KIRREL3: variants seen among roughly 807,000 people sequenced by gnomAD.
The protein encoded by KIRREL3 is kirre like nephrin family adhesion molecule 3.
KIRREL3 carries 36 observed loss-of-function variants against 89.7 expected under a neutral mutation model. The ratio of observed to expected loss-of-function variants is 0.40; its 90% CI spans 0.31 to 0.53. KIRREL3 has a LOEUF of 0.53. Ranked by LOEUF, KIRREL3 falls within the 20% of genes least tolerant of loss-of-function variation. The pLI is 0.49. For synonymous variants in KIRREL3, 445 were observed against 441.4 expected (o/e 1.01, Z -0.10); for missense variants, 864 against 1,056.6 (o/e 0.82, Z 2.53).
Position 126,744,708 on chromosome 11 carries a change from G to T in KIRREL3, c.56-181796C>A, listed in dbSNP as rs1431843933. 6.6e-6 allele frequency among the ~76,000 whole-genome samples: 1 copy of T among 152,158 alleles called. No homozygotes were observed. Reference sequence around the variant, plus strand: ...AGTGTCTCGTGGAAACTAAGGACCCGATGAACAGTACTCGTATTACTATTC... The same window carrying T: ...AGTGTCTCGTGGAAACTAAGGACCCTATGAACAGTACTCGTATTACTATTC... On this transcript the variant is annotated intron_variant, in intron 1 of 16. Transcript: ENST00000525144. The surrounding 1 kb of genome is among the most constrained non-coding windows in gnomAD (Gnocchi z 4.7).
intron 10 of KIRREL3, among the ~76,000 whole-genome samples, chr11:126,442,268 A>AAC (rs1343644817): frequency 9.9e-6 from 1 of 100,806 alleles, no homozygotes; most frequent in Non-Finnish European, 2.4e-5. Flanking sequence ...CTCAAAAAAA[A>AAC]AAAACAAAAA....
At chr11:126,936,985 C>A (rs1374955658) in intron 1 of KIRREL3, 2 of 152,170 alleles carry the variant, frequency 1.3e-5, no homozygotes, top group Non-Finnish European at 2.9e-5. Context: ...ATGCAGAGGG[C>A]ACACACTAAG....
chr11:126,845,671 G>A (rs970805124), intron 1 of KIRREL3, among the ~76,000 whole-genome samples: 2 of 152,158 alleles, frequency 1.3e-5, no homozygotes, highest in Non-Finnish European at 2.9e-5. Flanking sequence ...TCCCAGCTTA[G>A]AGAATGGGTT....
In KIRREL3 at chr11:126,668,415, GA is replaced by G. The variant is rs1165742267; in HGVS notation, c.56-105504del. On this transcript the variant is annotated intron_variant, in intron 1 of 16. Coordinates refer to ENST00000525144, the MANE Select transcript of KIRREL3 (RefSeq NM_032531.4). The surrounding 1 kb of genome is among the most constrained non-coding windows in gnomAD (Gnocchi z 4.4). ...GAATTTGGGGGAATATAACCATTCAGAATAAAACACCCTGGCTATAGAAGAG... is the reference window on the plus strand; with the variant it reads ...GAATTTGGGGGAATATAACCATTCAGATAAAACACCCTGGCTATAGAAGAG... 2.0e-5 allele frequency among the ~76,000 whole-genome samples: 3 copies of G among 152,158 alleles called. No individual in the cohort carries two copies. The highest frequency in any genetic ancestry group is 2.9e-5 in the Non-Finnish European group (2 of 68,034).
chr11:126,941,963 T>C (rs1565444457), intron 1 of KIRREL3, among the ~76,000 whole-genome samples: 1 of 152,190 alleles, frequency 6.6e-6, no homozygotes, highest in Non-Finnish European at 1.5e-5. Context: ...TGACAATGAG[T>C]ATGCCAGTCT....
Position 126,550,933 on chromosome 11 carries a change from C to T in KIRREL3, c.133+11902G>A, listed in dbSNP as rs1359031111. Among the ~76,000 whole-genome samples the T allele has an allele frequency of 3.3e-5, 5 of 152,300 alleles. 1 individual carries two copies. In the East Asian group the frequency reaches 9.7e-4, roughly 29 times the overall value. On this transcript the variant is annotated intron_variant, in intron 2 of 16. Transcript: ENST00000525144. The surrounding 1 kb of genome is among the most constrained non-coding windows in gnomAD (Gnocchi z 4.9). ...GGGGGCTCAGTCCCCAAGACTTCCC[C>T]CACACCCTGGCACCTGTCACAAGTT...
chr11:126,795,739 A>G lies in KIRREL3; in HGVS notation c.55+204716T>C, dbSNP rs1323483768. 6.6e-6 allele frequency among the ~76,000 whole-genome samples: 1 copy of G among 152,066 alleles called. No homozygotes were observed. The highest frequency in any genetic ancestry group is 6.6e-5 in the Admixed American group (1 of 15,250). ...GTTCAATATTTCTGTAAACCTAAAA[A>G]TCCTCAAAAAAATGAAGTTTTTTAA... On this transcript the variant is annotated intron_variant, in intron 1 of 16. Coordinates refer to ENST00000525144, the MANE Select transcript of KIRREL3 (RefSeq NM_032531.4). The surrounding 1 kb of genome is among the most constrained non-coding windows in gnomAD (Gnocchi z 4.1).
In KIRREL3 at chr11:126,666,877, T is replaced by C. The variant is rs1161857943; in HGVS notation, c.56-103965A>G. On this transcript the variant is annotated intron_variant, in intron 1 of 16. Coordinates refer to ENST00000525144, the MANE Select transcript of KIRREL3 (RefSeq NM_032531.4). The surrounding 1 kb of genome is among the most constrained non-coding windows in gnomAD (Gnocchi z 4.2). ...GGGTCTGGGATGGATACAGGTTTGA[T>C]GAAAGGTCCCTGGGGAATGAGAGGG... is the stretch of plus-strand genomic sequence containing the variant. Among the ~76,000 whole-genome samples, 1 of 152,142 alleles carries C rather than the reference T, an allele frequency of 6.6e-6. No individual in the cohort carries two copies. The highest frequency in any genetic ancestry group is 1.5e-5 in the Non-Finnish European group (1 of 68,026).
chr11:126,458,553 C>G (rs1003392806), intron 6 of KIRREL3, among the ~76,000 whole-genome samples: 1 of 152,348 alleles, frequency 6.6e-6, no homozygotes, highest in East Asian at 1.9e-4. Flanking sequence ...GGCACGGGAG[C>G]TGGCCTGAGA....
chr11:126,426,309 A>C (rs376746912), intron 15 of KIRREL3, among the ~76,000 whole-genome samples: 3 of 152,320 alleles, frequency 2.0e-5, no homozygotes, highest in East Asian at 3.9e-4. Context: ...TCTCATGAAA[A>C]GTTAACTTCC....
intron 2 of KIRREL3, among the ~76,000 whole-genome samples, chr11:126,547,684 C>T (rs576076428): frequency 3.9e-5 from 6 of 152,222 alleles, no homozygotes; most frequent in East Asian, 1.9e-4. Flanking sequence ...TCAGAGGGGC[C>T]GCCTGAGTGG....
At position 126,655,898 on chromosome 11, in the gene KIRREL3, T is replaced by G. The variant is rs1310026384; in HGVS notation, c.56-92986A>C. 1.3e-5 allele frequency among the ~76,000 whole-genome samples: 2 copies of G among 152,084 alleles called. No homozygotes were observed. Among genetic ancestry groups the G allele is most frequent in the East Asian group, 1.9e-4 (1 of 5,200 alleles). Reference sequence around the variant, plus strand: ...GACAACGTGACTTTCTCTTATTTTTTGTTCCTGACACTGTTTGCACTGACT... The same window carrying G: ...GACAACGTGACTTTCTCTTATTTTTGGTTCCTGACACTGTTTGCACTGACT... On this transcript the variant is annotated intron_variant, in intron 1 of 16. Transcript: ENST00000525144. The surrounding 1 kb of genome is among the most constrained non-coding windows in gnomAD (Gnocchi z 5.0).
chr11:126,646,122 C>T (rs556263064), intron 1 of KIRREL3, among the ~76,000 whole-genome samples: 1 of 152,238 alleles, frequency 6.6e-6, no homozygotes, highest in Non-Finnish European at 1.5e-5. Context: ...ACCCCACCCC[C>T]CAAACAGGTC....
Position 126,981,647 on chromosome 11 carries a change from G to T in KIRREL3, c.55+18808C>A, listed in dbSNP as rs750729352. Among the ~76,000 whole-genome samples the T allele has an allele frequency of 6.6e-6, 1 of 152,142 alleles. No individual in the cohort carries two copies. The highest frequency in any genetic ancestry group is 1.5e-5 in the Non-Finnish European group (1 of 68,026). ...TGTTAAAACCACACATTTGGGTGTCGGAGGAGGTCTCAGCCACACATGCTC... is the reference window on the plus strand; with the variant it reads ...TGTTAAAACCACACATTTGGGTGTCTGAGGAGGTCTCAGCCACACATGCTC... On this transcript the variant is annotated intron_variant, in intron 1 of 16. Coordinates refer to ENST00000525144, the MANE Select transcript of KIRREL3 (RefSeq NM_032531.4). The surrounding 1 kb of genome is among the most constrained non-coding windows in gnomAD (Gnocchi z 4.2).
chr11:126,569,823 GT>G lies in KIRREL3; in HGVS notation c.56-6912del, dbSNP rs1940790229. 6.6e-6 allele frequency among the ~76,000 whole-genome samples: 1 copy of G among 152,118 alleles called. No homozygotes were observed. The highest frequency in any genetic ancestry group is 1.5e-5 in the Non-Finnish European group (1 of 68,018). ...ATGTCTACCAATGGCCCTCTCATTG[GT>G]TTTTGTCTATCAATAGCCATCAGTA... On this transcript the variant is annotated intron_variant, in intron 1 of 16. Coordinates refer to ENST00000525144, the MANE Select transcript of KIRREL3 (RefSeq NM_032531.4). The surrounding 1 kb of genome is among the most constrained non-coding windows in gnomAD (Gnocchi z 6.5).
In KIRREL3 at chr11:126,740,302, C is replaced by T. The variant is rs1948937763; in HGVS notation, c.56-177390G>A. 6.6e-6 allele frequency among the ~76,000 whole-genome samples: 1 copy of T among 152,184 alleles called. No homozygotes were observed. ...AGATGGGGCTGAATTGAAGCAACAG[C>T]ATAGAATATGATTTTATAAACAGGA... is the stretch of plus-strand genomic sequence containing the variant. On this transcript the variant is annotated intron_variant, in intron 1 of 16. Transcript: ENST00000525144. The surrounding 1 kb of genome is among the most constrained non-coding windows in gnomAD (Gnocchi z 6.0).
chr11:126,486,256 G>A lies in KIRREL3; in HGVS notation c.434-12790C>T, dbSNP rs975192191. ...GCCGTCTGCACAGCAAGGGTGAGAG[G>A]GCTTGGGAGAGGCCAGCAGAGAAGG... is the stretch of plus-strand genomic sequence containing the variant. On this transcript the variant is annotated intron_variant, in intron 4 of 16. Coordinates refer to ENST00000525144, the MANE Select transcript of KIRREL3 (RefSeq NM_032531.4). The surrounding 1 kb of genome is among the most constrained non-coding windows in gnomAD (Gnocchi z 6.2). Among the ~76,000 whole-genome samples the A allele has an allele frequency of 6.6e-6, 1 of 152,130 alleles. No individual in the cohort carries two copies. Among genetic ancestry groups the A allele is most frequent in the African/African-American group, 2.4e-5 (1 of 41,432 alleles).
chr11:126,848,469 G>C (rs1944225555), intron 1 of KIRREL3, among the ~76,000 whole-genome samples: 1 of 152,210 alleles, frequency 6.6e-6, no homozygotes, highest in African/African-American at 2.4e-5. Flanking sequence ...GCTTATTCCT[G>C]TAAACCAACC....
At chr11:126,542,122 C>T (rs992297342) in intron 2 of KIRREL3, among the ~76,000 whole-genome samples, 20 of 152,202 alleles carry the variant, frequency 1.3e-4, no homozygotes, top group African/African-American at 2.9e-4. Flanking sequence ...ATCCCACTGA[C>T]GGTGTGAAAG....
Sources: gnomAD v4.1 joint callset for allele counts (sites outside exome capture counted in the v4.1 genomes callset) on GRCh38, gnomAD v4.1.1 for gene constraint, Gnocchi (gnomAD v3.1) non-coding constraint, MANE v1.5 for transcripts, NCBI Gene and HGNC (gene_info 2026-07-23, HGNC 2026-07-21) for gene names.